The following COL19A1 variants were observed in gnomAD, a reference collection of about 807,000 sequenced individuals.
The protein encoded by COL19A1 is collagen alpha-1(XIX) chain.
COL19A1 carries 159 observed loss-of-function variants against 190.2 expected under a neutral mutation model. That is an observed-to-expected ratio of 0.84 (90% CI 0.73 to 0.95). COL19A1 has a LOEUF of 0.95. Among genes scored for constraint, COL19A1 ranks in the 40% least tolerant of loss-of-function variants. The pLI, the probability that COL19A1 is intolerant of heterozygous loss-of-function variation, is 0.00. For synonymous variants in COL19A1, 509 were observed against 458.9 expected, an observed-to-expected ratio of 1.11 and a Z score of -1.39; for missense variants, 1,418 against 1,431.9, an observed-to-expected ratio of 0.99 and a Z score of 0.16.
chr6:70,047,391 G>C (rs1251718392), intron 14 of COL19A1, among the ~76,000 whole-genome samples: 1 of 151,952 alleles, frequency 6.6e-6, no homozygotes, highest in African/African-American at 2.4e-5. Flanking sequence ...ACATTTATTT[G>C]ATCAAATATA....
At chr6:70,004,896 G>A (rs547184899) in intron 11 of COL19A1, among the ~76,000 whole-genome samples, 13 of 150,462 alleles carry the variant, frequency 8.6e-5, no homozygotes, top group Non-Finnish European at 1.6e-4. Context: ...GCAGTGGCTC[G>A]ATCTCGGCTC....
intron 12 of COL19A1, among the ~76,000 whole-genome samples, chr6:70,031,304 T>C (rs964467698): frequency 6.6e-6 from 1 of 152,104 alleles, no homozygotes; most frequent in Admixed American, 6.5e-5. Flanking sequence ...TAATACATAG[T>C]GATCAAATCA....
intron 4 of COL19A1, among the ~76,000 whole-genome samples, chr6:69,904,347 T>C (rs2149978471): frequency 6.6e-6 from 1 of 152,366 alleles, no homozygotes; most frequent in Admixed American, 6.5e-5. Context: ...GTGTTCACCA[T>C]GCCCTTGTGC....
At chr6:70,182,477 G>A (rs549320381) in intron 44 of COL19A1, among the ~76,000 whole-genome samples, 1 of 152,290 alleles carries the variant, frequency 6.6e-6, no homozygotes, top group East Asian at 1.9e-4. Flanking sequence ...GCCAAGATTG[G>A]TGAGACCAAT....
chr6:70,023,645 G>C lies in COL19A1; in HGVS notation c.1045G>C (p.Gly349Arg). 6.2e-7 allele frequency: 1 copy of C among 1,610,686 alleles called. No individual in the cohort carries two copies. The highest frequency in any genetic ancestry group is 8.5e-7 in the Non-Finnish European group (1 of 1,179,134). The change falls in exon 12 of 51, where the codon GGA becomes CGA. Residue 349 changes from glycine to arginine, a missense_variant. Transcript: ENST00000620364. ...TTTTTAGGGTGAACAAGGAGAAAAA[G>C]GAGATCCAGCTCTGGCTGGCCTTAA... The part of the protein sequence containing the change: ...TGEKGEQGEK[G>R]DPALAGLNGE...
At chr6:69,995,574 G>A (rs1776859638) in intron 11 of COL19A1, among the ~76,000 whole-genome samples, 1 of 151,096 alleles carries the variant, frequency 6.6e-6, no homozygotes, top group Non-Finnish European at 1.5e-5. Flanking sequence ...GCAAATCAAA[G>A]CAAAGACTAT....
At chr6:70,189,449 G>T (rs900617738) in intron 47 of COL19A1, among the ~76,000 whole-genome samples, 20 of 152,064 alleles carry the variant, frequency 1.3e-4, no homozygotes, top group African/African-American at 4.1e-4. Flanking sequence ...TCAGAGTGGG[G>T]CTTATTGCCT....
intron 4 of COL19A1, among the ~76,000 whole-genome samples, chr6:69,924,535 C>G (rs960447078): frequency 5.3e-5 from 8 of 152,154 alleles, no homozygotes; most frequent in African/African-American, 1.9e-4. Flanking sequence ...CAAGTCTTTG[C>G]TATTGTGAAT....
chr6:70,157,237 A>T (rs1010091460), intron 34 of COL19A1, among the ~76,000 whole-genome samples: 1 of 152,026 alleles, frequency 6.6e-6, no homozygotes, highest in South Asian at 2.1e-4. Context: ...TGTCAGAAAA[A>T]TCTTCTTGTT....
chr6:69,983,638 A>G (rs1488054953), intron 11 of COL19A1, among the ~76,000 whole-genome samples: 1 of 152,120 alleles, frequency 6.6e-6, no homozygotes, highest in African/African-American at 2.4e-5. Flanking sequence ...TATTGAGAAT[A>G]TAATTTGCTG....
intron 19 of COL19A1, among the ~76,000 whole-genome samples, chr6:70,138,179 C>T (rs1785989350): frequency 6.6e-6 from 1 of 152,008 alleles, no homozygotes; most frequent in African/African-American, 2.4e-5. Context: ...CAAATTTATC[C>T]AAAAGAAATT....
chr6:69,987,619 A>G (rs973723818), intron 11 of COL19A1, among the ~76,000 whole-genome samples: 4 of 152,252 alleles, frequency 2.6e-5, no homozygotes, highest in Admixed American at 2.0e-4. Flanking sequence ...TGTGAAAGAC[A>G]TAAGCACCAC....
chr6:70,063,141 T>G (rs537942428), intron 14 of COL19A1, among the ~76,000 whole-genome samples: 2 of 152,148 alleles, frequency 1.3e-5, no homozygotes, highest in African/African-American at 2.4e-5. Flanking sequence ...CTAATACACA[T>G]CTACAGAACT....
chr6:70,178,116 G>A (rs528593768), intron 42 of COL19A1, among the ~76,000 whole-genome samples: 4 of 152,346 alleles, frequency 2.6e-5, no homozygotes, highest in African/African-American at 7.2e-5. Flanking sequence ...GCTAGGCATA[G>A]TGGACTCACA....
intron 12 of COL19A1, among the ~76,000 whole-genome samples, chr6:70,030,973 A>G (rs754553564): frequency 3.9e-5 from 6 of 152,212 alleles, no homozygotes; most frequent in Non-Finnish European, 8.8e-5. Context: ...CGTTGCTGCC[A>G]AAGTGGTTTG....
intron 11 of COL19A1, among the ~76,000 whole-genome samples, chr6:70,019,523 C>T (rs1325632514): frequency 6.6e-6 from 1 of 152,092 alleles, no homozygotes. Context: ...TATGACAAGA[C>T]ATTGCAGTTT....
At chr6:70,138,876 C>A (rs1211475197) in intron 19 of COL19A1, among the ~76,000 whole-genome samples, 1 of 152,010 alleles carries the variant, frequency 6.6e-6, no homozygotes, top group Non-Finnish European at 1.5e-5. Flanking sequence ...TCTGGAAAAT[C>A]TCATGTCTCA....
intron 42 of COL19A1, among the ~76,000 whole-genome samples, chr6:70,177,358 A>G (rs992656980): frequency 5.9e-5 from 8 of 135,878 alleles, no homozygotes; most frequent in Non-Finnish European, 1.3e-4. Flanking sequence ...CCCTACAATC[A>G]CCACCCACAG....
chr6:69,967,568 A>G (rs181207638), intron 11 of COL19A1, among the ~76,000 whole-genome samples: 5 of 152,322 alleles, frequency 3.3e-5, no homozygotes, highest in African/African-American at 4.8e-5. Context: ...ACACAAAACT[A>G]ACAAGTTCAT....
Sources: gnomAD v4.1 joint callset for allele counts (sites outside exome capture counted in the v4.1 genomes callset) on GRCh38, gnomAD v4.1.1 for gene constraint, MANE v1.5 for transcripts, NCBI Gene and HGNC (gene_info 2026-07-23, HGNC 2026-07-21) for gene names.